Variants in COPG2 observed in about 807,000 individuals in gnomAD.
The protein encoded by COPG2 is coatomer subunit gamma-2.
Under a neutral mutation model 46.3 loss-of-function variants are expected in COPG2, and 37 were observed. That is an observed-to-expected ratio of 0.80 (90% CI 0.61 to 1.05). The LOEUF (loss-of-function observed/expected upper bound fraction) is 1.05, where lower values mean the gene tolerates loss of function less well. Among genes scored for constraint, COPG2 ranks in the 50% least tolerant of loss-of-function variants. COPG2 has a pLI of 0.00. For missense variants in COPG2, 427 were observed against 387.8 expected (o/e 1.10, Z -0.85); for synonymous variants, 159 against 129.7 (o/e 1.23, Z -1.53).
At chr7:130,513,062 G>A (rs1359187297) in intron 20 of COPG2, among the ~76,000 whole-genome samples, 1 of 151,622 alleles carries the variant, frequency 6.6e-6, no homozygotes. Context: ...GAGACAGGTG[G>A]ATCATTTGAG....
At chr7:130,533,439 G>A (rs1799848438) in intron 20 of COPG2, among the ~76,000 whole-genome samples, 1 of 151,906 alleles carries the variant, frequency 6.6e-6, no homozygotes, top group Non-Finnish European at 1.5e-5. Context: ...GACAAGCAAA[G>A]AATGAGGGAG....
At chr7:130,618,415 A>G (rs2116517208) in intron 5 of COPG2, among the ~76,000 whole-genome samples, 1 of 152,278 alleles carries the variant, frequency 6.6e-6, no homozygotes, top group South Asian at 2.1e-4. Flanking sequence ...ATACTGTCCC[A>G]AAAGTTGAGG....
intron 10 of COPG2, among the ~76,000 whole-genome samples, chr7:130,563,683 G>A (rs1481253606): frequency 6.8e-6 from 1 of 146,722 alleles, no homozygotes; most frequent in Non-Finnish European, 1.5e-5. Flanking sequence ...GAACCCAGGA[G>A]GCAGAGCTTG....
In COPG2 at chr7:130,663,058, A is replaced by C. The variant is rs782578534; in HGVS notation, c.172-20T>G. The C allele has an allele frequency of 7.0e-7, 1 of 1,420,780 alleles. No homozygotes were observed. Among genetic ancestry groups the C allele is most frequent in the African/African-American group, 1.5e-5 (1 of 68,236 alleles). The allele number at this position is 1,420,780 out of a possible 1,614,324, so 88.0% of individuals were successfully genotyped here. A position where few individuals can be genotyped will look rare whatever the true frequency, so the allele number is the denominator to read the frequency against. On this transcript the variant is annotated intron_variant, in intron 3 of 23. Transcript: ENST00000425248. The stretch of plus-strand genomic sequence containing the variant: ...TTCACCCTAAGTAAAATTTAAAACA[A>C]TTTTTAAATTTTAAAAAGTGTATAT...
chr7:130,646,960 T>TGC (rs1795611418), intron 5 of COPG2, among the ~76,000 whole-genome samples: 41 of 914 alleles, frequency 0.045, no homozygotes, highest in East Asian at 0.36. Context: ...TATATATGCA[T>TGC]ATATATATGT....
intron 9 of COPG2, among the ~76,000 whole-genome samples, chr7:130,567,310 T>C (rs1793820583): frequency 6.6e-6 from 1 of 152,110 alleles, no homozygotes; most frequent in East Asian, 1.9e-4. Flanking sequence ...AAGTTTGAGA[T>C]TATGCTAAAT....
intron 5 of COPG2, among the ~76,000 whole-genome samples, chr7:130,631,175 T>C (rs1400133234): frequency 6.9e-6 from 1 of 145,920 alleles, no homozygotes; most frequent in East Asian, 2.0e-4. Context: ...TTCTTTTCTT[T>C]TTTTTTTTTT....
At chr7:130,613,697 T>C in intron 6 of COPG2, 61 bp from the exon 7 acceptor site, 1 of 1,066,846 alleles carries the variant, frequency 9.4e-7, no homozygotes, top group South Asian at 1.4e-5. Context: ...AAATTACTCT[T>C]ATGCTTCAAA....
At chr7:130,616,831 C>A (rs560037130) in intron 6 of COPG2, among the ~76,000 whole-genome samples, 159 bp downstream of exon 6, 1 of 152,210 alleles carries the variant, frequency 6.6e-6, no homozygotes, top group African/African-American at 2.4e-5. Flanking sequence ...AATCTGAAGA[C>A]AAAAGAAAGC....
rs1056842631 is a variant in COPG2, at chr7:130,536,761, G to A, written c.2149+10913C>T. Among the ~76,000 whole-genome samples, 15 of 152,290 alleles carry A rather than the reference G, an allele frequency of 9.8e-5. No homozygotes were observed. In the South Asian group the frequency reaches 2.5e-3, roughly 25 times the overall value. On this transcript the variant is annotated intron_variant, in intron 20 of 23. Transcript: ENST00000425248. ...AAATGGATGTAGCCGAAAAGGCACC[G>A]GGACCATGGTGGTGGAGCTGGGATT... is the stretch of plus-strand genomic sequence containing the variant.
intron 5 of COPG2, among the ~76,000 whole-genome samples, chr7:130,619,925 T>C (rs551658177): frequency 6.6e-6 from 1 of 152,352 alleles, no homozygotes; most frequent in African/African-American, 2.4e-5. Flanking sequence ...TTAGTTTTTC[T>C]CACTTTTAAA....
chr7:130,523,999 G>C (rs1186067127), intron 20 of COPG2, among the ~76,000 whole-genome samples: 1 of 152,076 alleles, frequency 6.6e-6, no homozygotes, highest in Admixed American at 6.5e-5. Context: ...GGCGGGACAG[G>C]AGTGAGCGCT....
intron 18 of COPG2, among the ~76,000 whole-genome samples, chr7:130,548,971 C>CTAATAT (rs1347935546): frequency 2.7e-5 from 4 of 148,090 alleles, no homozygotes; most frequent in Non-Finnish European, 5.9e-5. Flanking sequence ...GAACATTCAA[C>CTAATAT]TAATATGTCC....
rs1281051747 is a variant in COPG2, at chr7:130,523,570, C to G, written c.2150-14911G>C. Reference sequence around the variant, plus strand: ...GACTGTCAGGTGTGGGAACACAGTTCCCGACAGACCAGGACAAGGATGACA... The same window carrying G: ...GACTGTCAGGTGTGGGAACACAGTTGCCGACAGACCAGGACAAGGATGACA... On this transcript the variant is annotated intron_variant, in intron 20 of 23. Transcript: ENST00000425248. Among the ~76,000 whole-genome samples the G allele has an allele frequency of 1.5e-4, 23 of 152,146 alleles. No homozygotes were observed. The East Asian group carries it at 4.1e-3, about 27-fold the overall frequency.
intron 5 of COPG2, among the ~76,000 whole-genome samples, chr7:130,635,029 C>T: frequency 1.3e-5 from 2 of 150,096 alleles, no homozygotes; most frequent in Admixed American, 6.7e-5. Context: ...TTTGTGTATG[C>T]TGAACCAGCC....
intron 9 of COPG2, among the ~76,000 whole-genome samples, chr7:130,592,127 T>G (rs1554449091): frequency 6.6e-6 from 1 of 152,212 alleles, no homozygotes; most frequent in African/African-American, 2.4e-5. Flanking sequence ...CTCTGAAACA[T>G]GTGCTGTGTC....
intron 12 of COPG2, among the ~76,000 whole-genome samples, chr7:130,557,888 G>C (rs1326007421): frequency 6.9e-6 from 1 of 144,572 alleles, no homozygotes; most frequent in East Asian, 2.0e-4. Context: ...CTATGATGGA[G>C]GGCTAAGCAT....
chr7:130,565,438 C>G (rs1276354820), intron 9 of COPG2, among the ~76,000 whole-genome samples: 2 of 152,114 alleles, frequency 1.3e-5, no homozygotes, highest in Non-Finnish European at 2.9e-5. Context: ...CAACAAACCC[C>G]AGGGATAGGG....
intron 20 of COPG2, chr7:130,511,892 A>G (rs782029741): frequency 6.4e-5 from 33 of 514,592 alleles, no homozygotes; most frequent in Non-Finnish European, 1.3e-4. Context: ...GCTTGATAGG[A>G]AAGTTATAAA....
Sources: allele counts gnomAD v4.1 joint callset (sites outside exome capture counted in the v4.1 genomes callset), GRCh38; gene constraint gnomAD v4.1.1; transcripts MANE v1.5; gene names NCBI Gene and HGNC (gene_info 2026-07-23, HGNC 2026-07-21).